The following ZBTB44 variants were observed in gnomAD, a reference collection of about 807,000 sequenced individuals.
ZBTB44 encodes zinc finger and BTB domain-containing protein 44.
ZBTB44 carries 15 observed loss-of-function variants against 54.0 expected under a neutral mutation model. The ratio of observed to expected loss-of-function variants is 0.28; its 90% CI spans 0.19 to 0.43. The LOEUF is 0.43. ZBTB44 is among the 20% of genes least tolerant of loss of function. ZBTB44 has a pLI of 1.00. For missense variants in ZBTB44, 487 were observed against 707.1 expected (o/e 0.69, Z 3.53); for synonymous variants, 230 against 250.1 (o/e 0.92, Z 0.76).
At chr11:130,244,244 T>TA (rs1235287149) in intron 2 of ZBTB44, among the ~76,000 whole-genome samples, 1 of 152,196 alleles carries the variant, frequency 6.6e-6, no homozygotes, top group Non-Finnish European at 1.5e-5. Flanking sequence ...CAACCTAGCT[T>TA]ATTCTCATTA....
intron 1 of ZBTB44, among the ~76,000 whole-genome samples, chr11:130,286,181 A>G (rs57949689): frequency 0.039 from 5,925 of 152,294 alleles, 282 homozygotes; most frequent in African/African-American, 0.11. Flanking sequence ...ATCTTTAAAA[A>G]AATGAAAAAA....
In ZBTB44 at chr11:130,291,423, C is replaced by T. The variant is rs554398976; in HGVS notation, c.-57+22952G>A. 9.6e-4 allele frequency among the ~76,000 whole-genome samples: 146 copies of T among 152,264 alleles called. 4 individuals carry two copies. In the South Asian group the frequency reaches 0.029, roughly 30 times the overall value. On this transcript the variant is annotated intron_variant, in intron 1 of 7. Coordinates refer to ENST00000357899, the MANE Select transcript of ZBTB44 (RefSeq NM_001301098.2). ...AAGTGCTGGGATTACAGGTGTGAGC[C>T]ACCGCGCCCGGCCAGCCTTCCATTT... is the stretch of plus-strand genomic sequence containing the variant.
At chr11:130,296,071 G>A in intron 1 of ZBTB44, 1 of 1,583,546 alleles carries the variant, frequency 6.3e-7, no homozygotes, top group Non-Finnish European at 8.7e-7. Flanking sequence ...CTTGGATGTT[G>A]GGTATGAAGA....
In ZBTB44 at chr11:130,234,224, C is replaced by T; in HGVS notation, c.1618G>A (p.Val540Ile). The T allele has an allele frequency of 1.3e-6, 2 of 1,527,408 alleles. No individual in the cohort carries two copies. Among genetic ancestry groups the T allele is most frequent in the Non-Finnish European group, 8.8e-7 (1 of 1,137,990 alleles). The allele number at this position is 1,527,408 out of a possible 1,614,324, so 94.6% of individuals were successfully genotyped here. ...CCGTGTTCTCCAAGATCATATTGAACAAGGGTCTCTTCTTGTTCCTGGTTT... is the reference window on the plus strand; with the variant it reads ...CCGTGTTCTCCAAGATCATATTGAATAAGGGTCTCTTCTTGTTCCTGGTTT... ...YLNQEQEETL[V>I]QYDLGEHGFE... Residue 540 changes from valine (V) to isoleucine (I), a missense_variant, in exon 6 of 8, where the codon GTT (valine) becomes ATT (isoleucine). Around this residue, in one of 3 missense-constraint regions of ZBTB44, gnomAD observed 120 missense variants for 240.3 expected, o/e 0.50. Coordinates refer to ENST00000357899, the MANE Select transcript of ZBTB44 (RefSeq NM_001301098.2).
chr11:130,257,629 C>A (rs1301201491), intron 2 of ZBTB44, among the ~76,000 whole-genome samples: 1 of 152,168 alleles, frequency 6.6e-6, no homozygotes, highest in African/African-American at 2.4e-5. Context: ...AGATTTCTGG[C>A]CTCTGACTAT....
intron 1 of ZBTB44, among the ~76,000 whole-genome samples, chr11:130,276,763 T>C (rs1424609130): frequency 6.6e-6 from 1 of 152,176 alleles, no homozygotes; most frequent in Non-Finnish European, 1.5e-5. Flanking sequence ...TATACTGAAG[T>C]CTCCAACTAC....
intron 1 of ZBTB44, among the ~76,000 whole-genome samples, chr11:130,281,827 G>A (rs938497308): frequency 4.6e-5 from 7 of 152,060 alleles, no homozygotes; most frequent in Admixed American, 4.6e-4. Context: ...GGATGGTCTC[G>A]ATCTCCTGGC....
chr11:130,277,370 G>A (rs1940180028), intron 1 of ZBTB44, among the ~76,000 whole-genome samples: 1 of 152,112 alleles, frequency 6.6e-6, no homozygotes, highest in Non-Finnish European at 1.5e-5. Context: ...ACAAAAACAT[G>A]ACTACTATAT....
intron 2 of ZBTB44, among the ~76,000 whole-genome samples, chr11:130,259,624 T>TA (rs1394277631): frequency 6.6e-6 from 1 of 152,004 alleles, no homozygotes; most frequent in African/African-American, 2.4e-5. Context: ...TATGCAGCCA[T>TA]AAAAAAGAAT....
chr11:130,282,180 T>C (rs1565674525), intron 1 of ZBTB44, among the ~76,000 whole-genome samples: 1 of 152,240 alleles, frequency 6.6e-6, no homozygotes, highest in Non-Finnish European at 1.5e-5. Flanking sequence ...TTTTTAAGCA[T>C]ACAGTTTGTA....
At chr11:130,292,659 TAAAC>T (rs1301064273) in intron 1 of ZBTB44, among the ~76,000 whole-genome samples, 1 of 152,172 alleles carries the variant, frequency 6.6e-6, no homozygotes, top group Non-Finnish European at 1.5e-5. Context: ...TTGCAAATGA[TAAAC>T]AAAACATATA....
intron 2 of ZBTB44, among the ~76,000 whole-genome samples, chr11:130,243,228 A>T (rs1478340490): frequency 6.6e-6 from 1 of 152,236 alleles, no homozygotes; most frequent in Non-Finnish European, 1.5e-5. Context: ...TGCATTTAAA[A>T]AACACATTTT....
intron 1 of ZBTB44, among the ~76,000 whole-genome samples, chr11:130,303,407 G>A (rs1171492960): frequency 2.6e-5 from 4 of 152,192 alleles, no homozygotes; most frequent in Non-Finnish European, 5.9e-5. Context: ...AGGCCGAGGT[G>A]GGTGGATCAC....
In ZBTB44 at chr11:130,246,278, TAC is replaced by T. The variant is rs564353916; in HGVS notation, c.1019-6384_1019-6383del. On this transcript the variant is annotated intron_variant, in intron 2 of 7. Coordinates refer to ENST00000357899, the MANE Select transcript of ZBTB44 (RefSeq NM_001301098.2). ...ACAGCAGAATATATACACATATATA[TAC>T]ACACACACATATATATATACACACA... Among the ~76,000 whole-genome samples the T allele has an allele frequency of 2.8e-3, 429 of 152,278 alleles. 1 individual carries two copies. Among genetic ancestry groups the T allele is most frequent in the Non-Finnish European group, 4.3e-3 (295 of 68,022 alleles).
In ZBTB44 at chr11:130,275,325, T is replaced by C. The variant is rs148118375; in HGVS notation, c.-56-13396A>G. ...GTCGTATCTTCATTTTTATTCACCA[T>C]AGAACATTTTCTTTTTTAAAATACA... On this transcript the variant is annotated intron_variant, in intron 1 of 7. Coordinates refer to ENST00000357899, the MANE Select transcript of ZBTB44 (RefSeq NM_001301098.2). 5.1e-3 allele frequency among the ~76,000 whole-genome samples: 782 copies of C among 152,250 alleles called. 6 individuals are homozygous for C. The highest frequency in any genetic ancestry group is 0.017 in the African/African-American group (721 of 41,544).
chr11:130,229,371 T>C lies in ZBTB44; in HGVS notation c.*2393A>G, dbSNP rs1468055067. On this transcript the variant is annotated 3_prime_UTR_variant, in exon 8 of 8. Transcript: ENST00000357899. ...ATAAATATTACAACATCTCAACTTA[T>C]CTATCGTCTAAAATGAAACATCCAG... 1 of 152,174 alleles carries C rather than the reference T, an allele frequency of 6.6e-6. No homozygotes were observed. Among genetic ancestry groups the C allele is most frequent in the African/African-American group, 2.4e-5 (1 of 41,454 alleles). 9.4% of individuals were successfully genotyped at this position (152,174 alleles called of 1,614,324 possible).
chr11:130,235,481 C>A (rs377061911), intron 5 of ZBTB44, among the ~76,000 whole-genome samples: 2 of 152,184 alleles, frequency 1.3e-5, no homozygotes, highest in South Asian at 2.1e-4. Context: ...ACAAAATCTA[C>A]GCAGGAATAA....
intron 2 of ZBTB44, among the ~76,000 whole-genome samples, chr11:130,257,509 C>T (rs1221863494): frequency 6.6e-6 from 1 of 152,178 alleles, no homozygotes; most frequent in Non-Finnish European, 1.5e-5. Flanking sequence ...AGCCAAAGAA[C>T]ACCAAGGATT....
intron 1 of ZBTB44, chr11:130,285,559 T>C: frequency 4.5e-6 from 1 of 220,194 alleles, no homozygotes; most frequent in Non-Finnish European, 9.5e-6. Flanking sequence ...CTCAAAGTGC[T>C]GGGATTACAG....
Sources: gnomAD v4.1 joint callset for allele counts (sites outside exome capture counted in the v4.1 genomes callset) on GRCh38, gnomAD v4.1.1 for gene constraint, gnomAD v4.1.1 regional missense constraint, MANE v1.5 for transcripts, NCBI Gene and HGNC (gene_info 2026-07-23, HGNC 2026-07-21) for gene names.